Variants in PCCA observed in about 807,000 individuals in gnomAD.
PCCA encodes the protein propionyl-CoA carboxylase subunit alpha, also known as propionyl-CoA carboxylase alpha chain, mitochondrial.
A neutral mutation model predicts 101.3 loss-of-function variants in PCCA; 74 were observed. The observed-to-expected ratio is 0.73, with a 90% confidence interval of 0.61 to 0.89. The LOEUF (loss-of-function observed/expected upper bound fraction) is 0.89, where lower values mean the gene tolerates loss of function less well. Ranked by LOEUF, PCCA falls within the 40% of genes least tolerant of loss-of-function variation. PCCA has a pLI of 0.00. For missense variants in PCCA, 891 were observed against 907.0 expected (o/e 0.98, Z 0.23); for synonymous variants, 294 against 313.6 (o/e 0.94, Z 0.66).
chr13:100,507,946 G>A (rs1407371530), intron 21 of PCCA, among the ~76,000 whole-genome samples: 10 of 152,190 alleles, frequency 6.6e-5, no homozygotes, highest in African/African-American at 1.2e-4. Context: ...GTGAGCCACC[G>A]CACCCAGCCT....
At chr13:100,130,427 G>A (rs1566537819) in intron 4 of PCCA, among the ~76,000 whole-genome samples, 1 of 152,204 alleles carries the variant, frequency 6.6e-6, no homozygotes, top group African/African-American at 2.4e-5. Context: ...AAGGAAAAGA[G>A]GTTCTAGCTC....
At chr13:100,102,185 G>A (rs541316100) in intron 1 of PCCA, among the ~76,000 whole-genome samples, 38 of 151,726 alleles carry the variant, frequency 2.5e-4, no homozygotes, top group Middle Eastern at 6.8e-3. Context: ...CTGTTGCCTA[G>A]GCTGGAGTAC....
intron 21 of PCCA, among the ~76,000 whole-genome samples, chr13:100,466,962 A>T (rs1241024789): frequency 6.6e-6 from 1 of 152,210 alleles, no homozygotes; most frequent in Admixed American, 6.5e-5. Context: ...GAGTGACTGT[A>T]AAGTAGGTTG....
chr13:100,158,706 G>T (rs1207830718), intron 6 of PCCA, among the ~76,000 whole-genome samples: 3 of 151,984 alleles, frequency 2.0e-5, no homozygotes, highest in African/African-American at 7.2e-5. Flanking sequence ...ATGAGAGGTC[G>T]GCACACTACA....
intron 19 of PCCA, among the ~76,000 whole-genome samples, chr13:100,424,101 T>C (rs926420604): frequency 3.3e-5 from 5 of 152,090 alleles, no homozygotes; most frequent in African/African-American, 4.8e-5. Context: ...CTGCCTTTTT[T>C]CCCCCCATCT....
intron 7 of PCCA, among the ~76,000 whole-genome samples, chr13:100,230,581 G>A (rs2060411658): frequency 6.6e-6 from 1 of 150,866 alleles, no homozygotes; most frequent in South Asian, 2.1e-4. Flanking sequence ...AGCTGAAACT[G>A]GAAGCATGCC....
At chr13:100,188,722 T>TATTTTTTG (rs1182762455) in intron 6 of PCCA, among the ~76,000 whole-genome samples, 1 of 152,166 alleles carries the variant, frequency 6.6e-6, no homozygotes, top group African/African-American at 2.4e-5. Context: ...CAACATCTAA[T>TATTTTTTG]ATTTTTTGAT....
chr13:100,168,162 T>TA (rs2055246298), intron 6 of PCCA, among the ~76,000 whole-genome samples: 2 of 152,166 alleles, frequency 1.3e-5, no homozygotes, highest in South Asian at 4.1e-4. Flanking sequence ...GTTCCACACA[T>TA]AACCATCGTG....
intron 8 of PCCA, among the ~76,000 whole-genome samples, chr13:100,256,950 G>A (rs1399790307): frequency 6.6e-6 from 1 of 152,144 alleles, no homozygotes; most frequent in Non-Finnish European, 1.5e-5. Flanking sequence ...ACTTTAGCTG[G>A]AAGTGTGCTT....
At chr13:100,520,634 CAAAAAAAA>C (rs374566196) in intron 22 of PCCA, among the ~76,000 whole-genome samples, 2 of 68,274 alleles carry the variant, frequency 2.9e-5, no homozygotes, top group Non-Finnish European at 5.3e-5. Context: ...GACTCCGTCT[CAAAAAAAA>C]AAAAAAAAAA....
At chr13:100,297,125 A>G (rs894244191) in intron 12 of PCCA, among the ~76,000 whole-genome samples, 1 of 152,188 alleles carries the variant, frequency 6.6e-6, no homozygotes, top group African/African-American at 2.4e-5. Context: ...CTGTCCATCT[A>G]TGAGCACCAT....
At chr13:100,313,917 T>G (rs1362076222) in intron 16 of PCCA, among the ~76,000 whole-genome samples, 1 of 152,160 alleles carries the variant, frequency 6.6e-6, no homozygotes, top group Admixed American at 6.5e-5. Flanking sequence ...TGTCCATATT[T>G]AAGCTTGTCC....
At chr13:100,365,252 C>T (rs2075050765) in intron 18 of PCCA, among the ~76,000 whole-genome samples, 2 of 152,072 alleles carry the variant, frequency 1.3e-5, no homozygotes, top group South Asian at 4.2e-4. Flanking sequence ...AACTCGAAAC[C>T]CTGTACTCTT....
intron 20 of PCCA, among the ~76,000 whole-genome samples, chr13:100,448,317 C>G (rs529239159): frequency 1.3e-5 from 2 of 152,108 alleles, no homozygotes; most frequent in African/African-American, 4.8e-5. Flanking sequence ...CTTGGCCTCC[C>G]GAGTAGCTGG....
intron 21 of PCCA, among the ~76,000 whole-genome samples, chr13:100,500,640 G>A (rs2085598213): frequency 6.6e-6 from 1 of 152,124 alleles, no homozygotes; most frequent in African/African-American, 2.4e-5. Flanking sequence ...AGAATATTAA[G>A]GTTACTTACA....
At chr13:100,303,086 G>T in intron 14 of PCCA, 88 bp downstream of exon 14, 1 of 829,928 alleles carries the variant, frequency 1.2e-6, no homozygotes, top group South Asian at 1.3e-5. Flanking sequence ...ACACCAAAGG[G>T]TGTAAATTGA....
intron 16 of PCCA, among the ~76,000 whole-genome samples, chr13:100,321,591 C>CTGTG (rs35931512): frequency 0.021 from 2,774 of 131,966 alleles, 43 homozygotes; most frequent in African/African-American, 0.051. Flanking sequence ...TATAGAAGAT[C>CTGTG]TGTGTGTGTG....
intron 21 of PCCA, among the ~76,000 whole-genome samples, chr13:100,509,228 G>A (rs746065938): frequency 6.6e-6 from 1 of 152,252 alleles, no homozygotes; most frequent in Non-Finnish European, 1.5e-5. Context: ...GCTGAGAACT[G>A]GAGCTGCTAA....
chr13:100,196,424 A>G (rs1023964139), intron 6 of PCCA, among the ~76,000 whole-genome samples: 8 of 152,210 alleles, frequency 5.3e-5, no homozygotes, highest in African/African-American at 1.7e-4. Context: ...TCCTTAAAAT[A>G]TACTTAAGTG....
Sources: allele counts gnomAD v4.1 joint callset (sites outside exome capture counted in the v4.1 genomes callset), GRCh38; gene constraint gnomAD v4.1.1; transcripts MANE v1.5; gene names NCBI Gene and HGNC (gene_info 2026-07-23, HGNC 2026-07-21).